GLB1L2: variants seen among roughly 807,000 people sequenced by gnomAD.
GLB1L2 encodes galactosidase beta 1 like 2.
In GLB1L2, 68 loss-of-function variants were observed where a neutral mutation model predicts 84.1. That is an observed-to-expected ratio of 0.81 (90% confidence interval 0.67 to 0.99). The LOEUF (loss-of-function observed/expected upper bound fraction) is 0.99, where lower values mean the gene tolerates loss of function less well. GLB1L2 is among the 50% of genes least tolerant of loss of function. GLB1L2 has a pLI of 0.00. For missense variants in GLB1L2, 762 were observed against 805.6 expected (o/e 0.95, Z 0.66); for synonymous variants, 290 against 318.0 (o/e 0.91, Z 0.94).
chr11:134,347,153 G>A (rs890994332), intron 4 of GLB1L2, 172 bp from the exon 5 acceptor site: 43 of 628,066 alleles, frequency 6.8e-5, no homozygotes, highest in Non-Finnish European at 1.1e-4. Context: ...GTGGGTGCTC[G>A]CCCCAGAATC....
chr11:134,359,045 T>A lies in GLB1L2; in HGVS notation c.652-15T>A. 2 of 1,571,352 alleles carry A rather than the reference T, an allele frequency of 1.3e-6. No individual in the cohort carries two copies. Among genetic ancestry groups the A allele is most frequent in the Non-Finnish European group, 1.7e-6 (2 of 1,158,118 alleles). ...GAGCCAGGGCAGACGAGGGCTTGTC[T>A]CATTTCCCCCACAGGCACTGGAGGA... On this transcript the variant is annotated splice_polypyrimidine_tract_variant and intron_variant, in intron 6 of 18. Transcript: ENST00000535456.
rs778888950 is a variant in GLB1L2 at position 134,347,389 on chromosome 11, G to A, written c.514G>A (p.Asp172Asn). 2 of 1,614,194 alleles carry A rather than the reference G, an allele frequency of 1.2e-6. No homozygotes were observed. The highest frequency in any genetic ancestry group is 1.1e-5 in the South Asian group (1 of 91,072). ...TTACAAGGGCTTCACCGAAGCAGTG[G>A]ACCTTTATTTTGACCACCTGATGTC... is the stretch of plus-strand genomic sequence containing the variant. Reference protein sequence around the residue: ...TTYKGFTEAVDLYFDHLMSRV... With the variant: ...TTYKGFTEAVNLYFDHLMSRV... The change falls in exon 5 of 19, where the codon GAC becomes AAC. Residue 172 changes from aspartate to asparagine, a missense_variant. Asp to Asn is a conservative substitution (Grantham distance 23). This residue lies in a region of GLB1L2 where 603 missense variants were observed against 611.7 expected (regional missense o/e 0.99). Transcript: ENST00000535456.
intron 8 of GLB1L2, chr11:134,366,933 G>C: frequency 2.8e-6 from 1 of 358,228 alleles, no homozygotes. Context: ...TTCCCTGGAA[G>C]AGGACAGGCA....
chr11:134,373,660 C>T (rs976433897), intron 15 of GLB1L2, 61 bp from the exon 16 acceptor site: 136 of 1,121,102 alleles, frequency 1.2e-4, no homozygotes, highest in Middle Eastern at 2.2e-4. Flanking sequence ...CTCGTGGCCC[C>T]GGCCCAGCTG....
chr11:134,371,130 C>A lies in GLB1L2; in HGVS notation c.1338C>A (p.His446Gln), dbSNP rs138000454. The change falls in exon 13 of 19, where the codon CAC becomes CAA. Residue 446 changes from histidine to glutamine, a missense_variant. Transcript: ENST00000535456. ...CCTCGTCTGGCATCCTCAGTGGCCA[C>A]GTGCATGATCGGGGGCAGGTAGGAG... ...SITSSGILSG[H>Q]VHDRGQVFVN... 17 of 1,614,208 alleles carry A rather than the reference C, an allele frequency of 1.1e-5. No homozygotes were observed. The highest frequency in any genetic ancestry group is 1.4e-5 in the Non-Finnish European group (16 of 1,180,022).
intron 6 of GLB1L2, among the ~76,000 whole-genome samples, 172 bp from the exon 7 acceptor site, chr11:134,358,887 CT>C (rs1272243250): frequency 6.6e-6 from 1 of 152,264 alleles, no homozygotes; most frequent in Non-Finnish European, 1.5e-5. Context: ...TGGAGCTGTG[CT>C]GAGCATGGCC....
At chr11:134,347,296 T>C (rs1943565376) in intron 4 of GLB1L2, 29 bp from the exon 5 acceptor site, 18 of 1,550,810 alleles carry the variant, frequency 1.2e-5, no homozygotes, top group Non-Finnish European at 1.5e-5. Context: ...GACACTAACA[T>C]CCTTCCTTTC....
chr11:134,347,082 G>A (rs1943561642), intron 4 of GLB1L2: 1 of 486,666 alleles, frequency 2.1e-6, no homozygotes. Context: ...CTGTAGCTGT[G>A]GAGCTGGAAA....
intron 7 of GLB1L2, 48 bp from the exon 8 acceptor site, chr11:134,364,280 G>C (rs1943835724): frequency 6.6e-7 from 1 of 1,513,064 alleles, no homozygotes; most frequent in African/African-American, 1.4e-5. Context: ...GAAGGTCCCT[G>C]GCTTTGAGAC....
intron 7 of GLB1L2, among the ~76,000 whole-genome samples, chr11:134,362,303 C>T (rs991027089): frequency 6.7e-6 from 1 of 150,112 alleles, no homozygotes; most frequent in Non-Finnish European, 1.5e-5. Flanking sequence ...TTTACAAAAG[C>T]GCTGCCCGCG....
Position 134,347,323 on chromosome 11 carries a change from A to G in GLB1L2, c.450-2A>G, listed in dbSNP as rs1211600501. On this transcript the variant is annotated splice_acceptor_variant, in intron 4 of 18. Transcript: ENST00000535456. LOFTEE classifies it high-confidence loss of function. ...CTTCCTTTCCCCCGTTTACACTTCA[A>G]GCTGGCTACTCCAAGACCCTGGCAT... is the stretch of plus-strand genomic sequence containing the variant. 6 of 1,611,348 alleles carry G rather than the reference A, an allele frequency of 3.7e-6. No homozygotes were observed. The South Asian group carries it at 5.5e-5, about 15-fold the overall frequency.
At chr11:134,367,110 C>A in intron 8 of GLB1L2, 147 bp from the exon 9 acceptor site, 1 of 739,922 alleles carries the variant, frequency 1.4e-6, no homozygotes. Context: ...CTCACCTATG[C>A]CCCACCTCCA....
Position 134,370,940 on chromosome 11 carries a change from C to A in GLB1L2, c.1216-68C>A. The A allele has an allele frequency of 1.3e-6, 2 of 1,580,022 alleles. No homozygotes were observed. Among genetic ancestry groups the A allele is most frequent in the Non-Finnish European group, 1.7e-6 (2 of 1,159,770 alleles). ...CGCTTCCACCCCATGTGCCAGCCCC[C>A]AGGCAGAGTCTGTCTGTGACCCCAC... On this transcript the variant is annotated intron_variant, in intron 12 of 18. Coordinates refer to ENST00000535456, the MANE Select transcript of GLB1L2 (RefSeq NM_001370461.1). This position sits in a 1 kb window ranked among gnomAD's most constrained non-coding sequence, Gnocchi z 4.7.
intron 1 of GLB1L2, among the ~76,000 whole-genome samples, chr11:134,332,389 C>G (rs1458950995): frequency 6.6e-6 from 1 of 152,088 alleles, no homozygotes; most frequent in Non-Finnish European, 1.5e-5. Flanking sequence ...GCGTCTGTGC[C>G]CCGAGCCGCC....
At chr11:134,374,529 C>A in intron 17 of GLB1L2, 73 bp from the exon 18 acceptor site, 1 of 1,184,688 alleles carries the variant, frequency 8.4e-7, no homozygotes, top group Non-Finnish European at 1.3e-6. Flanking sequence ...CTGAGAGAAG[C>A]ACGCATGCAT....
intron 5 of GLB1L2, among the ~76,000 whole-genome samples, chr11:134,348,280 TAC>T (rs917190409): frequency 3.3e-5 from 5 of 152,224 alleles, no homozygotes; most frequent in Non-Finnish European, 5.9e-5. Context: ...GGGTCATACT[TAC>T]ACTAAAAAAT....
rs1264545339 is a variant in GLB1L2 at position 134,368,751 on chromosome 11, C to T, written c.997C>T (p.His333Tyr). The change falls in exon 10 of 19, where the codon CAT becomes TAT. Residue 333 changes from histidine (H) to tyrosine (Y), a missense_variant. Transcript: ENST00000535456. Reference sequence around the variant, plus strand: ...CTTCATGAATGGAGCCATGCACTTCCATGACTACAAGTCAGATGTCACCAG... The same window carrying T: ...CTTCATGAATGGAGCCATGCACTTCTATGACTACAAGTCAGATGTCACCAG... ...FGFMNGAMHFHDYKSDVTSYD... is the reference protein window; with the variant it reads ...FGFMNGAMHFYDYKSDVTSYD... 1 of 1,613,716 alleles carries T rather than the reference C, an allele frequency of 6.2e-7. No individual in the cohort carries two copies. The highest frequency in any genetic ancestry group is 2.2e-5 in the East Asian group (1 of 44,902).
intron 1 of GLB1L2, among the ~76,000 whole-genome samples, chr11:134,332,761 TCCC>T (rs1943321951): frequency 6.6e-6 from 1 of 152,072 alleles, no homozygotes; most frequent in Non-Finnish European, 1.5e-5. Flanking sequence ...CCCTTTCCTC[TCCC>T]CCTTTTCCAA....
At chr11:134,347,142 G>T (rs892781121) in intron 4 of GLB1L2, 183 bp from the exon 5 acceptor site, 7 of 611,626 alleles carry the variant, frequency 1.1e-5, no homozygotes, top group South Asian at 4.0e-5. Flanking sequence ...CAGGAGTGCG[G>T]GTGGGTGCTC....
Sources: allele counts gnomAD v4.1 joint callset (sites outside exome capture counted in the v4.1 genomes callset), GRCh38; gene constraint gnomAD v4.1.1; regional missense constraint gnomAD v4.1.1; non-coding constraint Gnocchi (gnomAD v3.1); transcripts MANE v1.5; gene names NCBI Gene and HGNC (gene_info 2026-07-23, HGNC 2026-07-21).